Variants in PARP4 observed in about 807,000 individuals in gnomAD.
PARP4 encodes the protein poly(ADP-ribose) polymerase family member 4.
PARP4 carries 120 observed loss-of-function variants against 187.7 expected under a neutral mutation model. The ratio of observed to expected loss-of-function variants is 0.64; its 90% CI spans 0.55 to 0.74. The LOEUF is 0.74. Ranked by LOEUF, PARP4 falls within the 30% of genes least tolerant of loss-of-function variation. The pLI, the probability that PARP4 is intolerant of heterozygous loss-of-function variation, is 0.00. For missense variants in PARP4, 1,836 were observed against 2,070.5 expected (o/e 0.89, Z 2.20); for synonymous variants, 654 against 740.9 (o/e 0.88, Z 1.90).
At chr13:24,448,137 G>C (rs1871305967) in intron 25 of PARP4, among the ~76,000 whole-genome samples, 1 of 152,162 alleles carries the variant, frequency 6.6e-6, no homozygotes, top group Non-Finnish European at 1.5e-5. Context: ...TTGAGACCAG[G>C]ATGTCAGGGC....
At chr13:24,475,782 G>A (rs1872953843) in intron 14 of PARP4, among the ~76,000 whole-genome samples, 186 bp from the exon 15 acceptor site, 1 of 129,650 alleles carries the variant, frequency 7.7e-6, no homozygotes, top group South Asian at 3.0e-4. Flanking sequence ...AATGAGAGGT[G>A]CCTTCTGCCT....
intron 17 of PARP4, among the ~76,000 whole-genome samples, chr13:24,463,683 C>T (rs533709693): frequency 1.3e-5 from 2 of 152,250 alleles, no homozygotes; most frequent in South Asian, 4.1e-4. Context: ...AACCCACATC[C>T]AATATCATAC....
At chr13:24,509,599 T>C (rs533803203) in intron 1 of PARP4, among the ~76,000 whole-genome samples, 43 of 152,208 alleles carry the variant, frequency 2.8e-4, no homozygotes, top group Non-Finnish European at 4.7e-4. Context: ...TTTTAAATAG[T>C]ATTTTTTGGA....
chr13:24,468,945 C>G, intron 17 of PARP4, 79 bp downstream of exon 17: 1 of 1,040,682 alleles, frequency 9.6e-7, no homozygotes, highest in Non-Finnish European at 1.5e-6. Context: ...TAGCCTCTAG[C>G]ATGAAATTCG....
chr13:24,496,696 C>T (rs1326881360), intron 6 of PARP4, among the ~76,000 whole-genome samples: 2 of 152,158 alleles, frequency 1.3e-5, no homozygotes, highest in Non-Finnish European at 2.9e-5. Flanking sequence ...CTGTGAGGGC[C>T]ACTCTCACGG....
At chr13:24,466,320 T>G (rs550730084) in intron 17 of PARP4, among the ~76,000 whole-genome samples, 1 of 152,272 alleles carries the variant, frequency 6.6e-6, no homozygotes, top group Admixed American at 6.5e-5. Context: ...TAGCTGGGAC[T>G]ACAGGCATGC....
chr13:24,470,292 G>A (rs111986998), intron 15 of PARP4, among the ~76,000 whole-genome samples: 10 of 152,192 alleles, frequency 6.6e-5, no homozygotes, highest in African/African-American at 2.4e-5. Flanking sequence ...CTTAGCAGAC[G>A]CAATATAGCT....
chr13:24,472,156 G>A (rs1017477510), intron 15 of PARP4, among the ~76,000 whole-genome samples: 1 of 135,530 alleles, frequency 7.4e-6, no homozygotes, highest in Non-Finnish European at 1.6e-5. Context: ...CCAAACAATG[G>A]GCATAATTAT....
chr13:24,479,102 G>A (rs1873130717), intron 12 of PARP4, among the ~76,000 whole-genome samples: 1 of 152,114 alleles, frequency 6.6e-6, no homozygotes, highest in South Asian at 2.1e-4. Context: ...ATCTTTCTTT[G>A]GGAATCAGCA....
chr13:24,476,658 C>T (rs1205867700), intron 14 of PARP4, among the ~76,000 whole-genome samples: 1 of 152,186 alleles, frequency 6.6e-6, no homozygotes, highest in Non-Finnish European at 1.5e-5. Flanking sequence ...AAACTGGAGT[C>T]ACCCCTGAAC....
intron 12 of PARP4, among the ~76,000 whole-genome samples, chr13:24,481,006 T>TA (rs1393402970): frequency 6.6e-6 from 1 of 152,230 alleles, no homozygotes; most frequent in African/African-American, 2.4e-5. Context: ...CTGCAAAGCT[T>TA]CAGACGACAG....
chr13:24,435,263 C>G lies in PARP4; in HGVS notation c.3878G>C (p.Cys1293Ser), dbSNP rs1172225994. ...TAGTGGTTCAGTTGCTGTTGGTTTA[C>G]ATGACTCTGTCCAACTTAAATCCAA... ...KLLDLSWTES[C>S]KPTATEPLFK... is the part of the protein sequence containing the mutation. The change falls in exon 31 of 34, where the codon TGT becomes TCT. Residue 1293 changes from cysteine to serine, a missense_variant. Around this residue, in one of 8 missense-constraint regions of PARP4, gnomAD observed 450 missense variants for 439.2 expected, o/e 1.02. Transcript: ENST00000381989. 1 of 1,613,664 alleles carries G rather than the reference C, an allele frequency of 6.2e-7. No homozygotes were observed. The highest frequency in any genetic ancestry group is 1.7e-5 in the Admixed American group (1 of 60,016).
In PARP4 at chr13:24,455,205, AT is replaced by A. The variant is rs1871760433; in HGVS notation, c.2569del (p.Met857CysfsTer15). Reference protein sequence around the residue: ...KHPEKESEACMLVFQPDLDVD... With the variant: ...KHPEKESEACXLVFQPDLDVD... The stretch of plus-strand genomic sequence containing the variant: ...ATCGAGATCGGGTTGAAAGACAAGC[AT>A]GCAAGCCTGAAAGGAGAAAGAAGGT... On this transcript the variant is annotated frameshift_variant, in exon 22 of 34. Transcript: ENST00000381989. LOFTEE classifies it high-confidence loss of function. 6.3e-7 allele frequency: 1 copy of A among 1,588,494 alleles called. No homozygotes were observed.
chr13:24,442,812 A>G lies in PARP4; in HGVS notation c.3448-127T>C, dbSNP rs1871014507. 1.0e-5 allele frequency: 6 copies of G among 577,160 alleles called. No individual in the cohort carries two copies. The South Asian group carries it at 1.4e-4, about 13-fold the overall frequency. The allele number at this position is 577,160 out of a possible 1,614,324, so 35.8% of individuals were successfully genotyped here. On this transcript the variant is annotated intron_variant, in intron 28 of 33. Transcript: ENST00000381989. ...AGGTCCCATCTAAATCGGTGGCTCA[A>G]TATTCCCTTTAAAATGAGATGAACT...
chr13:24,463,004 A>G (rs1872288077), intron 17 of PARP4, among the ~76,000 whole-genome samples: 1 of 152,210 alleles, frequency 6.6e-6, no homozygotes, highest in Non-Finnish European at 1.5e-5. Flanking sequence ...GACTGTCCCA[A>G]AATGAATGTG....
intron 27 of PARP4, among the ~76,000 whole-genome samples, chr13:24,445,694 A>C (rs1871174502): frequency 6.6e-6 from 1 of 152,228 alleles, no homozygotes; most frequent in Admixed American, 6.5e-5. Flanking sequence ...ATACTAAGGT[A>C]AACTTTTCCT....
chr13:24,433,895 G>C (rs2137440071), intron 31 of PARP4, among the ~76,000 whole-genome samples: 2 of 152,324 alleles, frequency 1.3e-5, no homozygotes, highest in East Asian at 3.9e-4. Flanking sequence ...CAAATCTACA[G>C]GGTGTTTATC....
intron 24 of PARP4, among the ~76,000 whole-genome samples, chr13:24,451,148 C>A (rs1315949890): frequency 6.6e-6 from 1 of 152,210 alleles, no homozygotes; most frequent in Non-Finnish European, 1.5e-5. Context: ...CTGAGGAAGG[C>A]ATGAATAGGT....
chr13:24,485,821 C>G (rs576706167), intron 11 of PARP4, among the ~76,000 whole-genome samples: 1 of 152,092 alleles, frequency 6.6e-6, no homozygotes, highest in Admixed American at 6.6e-5. Context: ...CAATTCATAC[C>G]TATATACTAC....
Sources: allele counts gnomAD v4.1 joint callset (sites outside exome capture counted in the v4.1 genomes callset), GRCh38; gene constraint gnomAD v4.1.1; regional missense constraint gnomAD v4.1.1; transcripts MANE v1.5; gene names NCBI Gene and HGNC (gene_info 2026-07-23, HGNC 2026-07-21).